The following ERCC6L2 variants were observed in gnomAD, a reference collection of about 807,000 sequenced individuals.
ERCC6L2 encodes the protein DNA excision repair protein ERCC-6-like 2.
ERCC6L2 carries 77 observed loss-of-function variants against 132.0 expected under a neutral mutation model. The ratio of observed to expected loss-of-function variants is 0.58; its 90% CI spans 0.49 to 0.71. The LOEUF (loss-of-function observed/expected upper bound fraction) is 0.71. ERCC6L2 is among the 30% of genes least tolerant of loss of function. The pLI, the probability that ERCC6L2 is intolerant of heterozygous loss-of-function variation, is 0.00. For synonymous variants in ERCC6L2, 583 were observed against 632.4 expected, an observed-to-expected ratio of 0.92 and a Z score of 1.17; for missense variants, 1,542 against 1,837.6, an observed-to-expected ratio of 0.84 and a Z score of 2.94.
At chr9:95,881,790 A>G (rs1239751774) in intron 2 of ERCC6L2, among the ~76,000 whole-genome samples, 1 of 152,234 alleles carries the variant, frequency 6.6e-6, no homozygotes, top group East Asian at 1.9e-4. Context: ...TAAAATGTGT[A>G]CTAGAATTTG....
chr9:95,928,694 GC>G (rs1170211530), intron 10 of ERCC6L2, 24 bp from the exon 11 acceptor site: 1 of 1,574,776 alleles, frequency 6.4e-7, no homozygotes, highest in Non-Finnish European at 8.6e-7. Context: ...ATTCATGTTT[GC>G]CCATCTTCAT....
At chr9:96,032,085 T>G (rs1433768922) in intron 19 of ERCC6L2, among the ~76,000 whole-genome samples, 2 of 151,982 alleles carry the variant, frequency 1.3e-5, no homozygotes, top group African/African-American at 4.8e-5. Context: ...CTTCCACATC[T>G]CCCTTCCTCA....
At chr9:95,992,282 G>T (rs985823138) in intron 17 of ERCC6L2, among the ~76,000 whole-genome samples, 3 of 152,138 alleles carry the variant, frequency 2.0e-5, no homozygotes, top group African/African-American at 7.2e-5. Flanking sequence ...TAAATTTTCA[G>T]TAGATATAAC....
intron 2 of ERCC6L2, 65 bp downstream of exon 2, chr9:95,881,358 A>C: frequency 7.9e-7 from 1 of 1,264,996 alleles, no homozygotes; most frequent in Non-Finnish European, 1.1e-6. Context: ...CTATATGTAA[A>C]TCTTTATTTG....
intron 12 of ERCC6L2, among the ~76,000 whole-genome samples, chr9:95,947,662 T>G (rs1831126268): frequency 6.6e-6 from 1 of 152,204 alleles, no homozygotes; most frequent in Admixed American, 6.5e-5. Flanking sequence ...CTTCAAAAGA[T>G]AGGCTGACTC....
downstream of ERCC6L2, chr9:96,020,340 G>C (rs1452756198): frequency 5.4e-6 from 1 of 185,340 alleles, no homozygotes; most frequent in African/African-American, 2.4e-5. Flanking sequence ...ATATCAGGGG[G>C]CCAGGCCTTC....
In ERCC6L2 at chr9:95,920,807, C is replaced by T. The variant is rs1048585485; in HGVS notation, c.1159-368C>T. Among the ~76,000 whole-genome samples, 13 of 152,122 alleles carry T rather than the reference C, an allele frequency of 8.5e-5. No homozygotes were observed. The South Asian group carries it at 1.5e-3, about 17-fold the overall frequency. On this transcript the variant is annotated intron_variant, in intron 6 of 18. Coordinates refer to ENST00000653738, the MANE Select transcript of ERCC6L2 (RefSeq NM_020207.7). ...CACTATTTTTTTTGAGACAGAGTCT[C>T]GCTCTGTCGCCCAGGCTGTAGTGCA...
At chr9:95,905,276 T>A (rs993395551) in intron 3 of ERCC6L2, 1 of 152,196 alleles carries the variant, frequency 6.6e-6, no homozygotes. Context: ...ATAACTCAGT[T>A]CTCTGACATC....
intron 9 of ERCC6L2, among the ~76,000 whole-genome samples, chr9:95,923,974 T>G (rs1177316331): frequency 6.6e-6 from 1 of 152,232 alleles, no homozygotes; most frequent in Non-Finnish European, 1.5e-5. Context: ...TTCTCCAACC[T>G]TGACCCAGGC....
At chr9:95,989,957 G>A (rs1267764123) in intron 17 of ERCC6L2, among the ~76,000 whole-genome samples, 3 of 152,246 alleles carry the variant, frequency 2.0e-5, no homozygotes, top group Admixed American at 6.5e-5. Flanking sequence ...ATGTGACAAT[G>A]TGTTTGGCAG....
chr9:96,007,505 C>G (rs1833899652), intron 18 of ERCC6L2, among the ~76,000 whole-genome samples: 1 of 152,118 alleles, frequency 6.6e-6, no homozygotes, highest in Non-Finnish European at 1.5e-5. Context: ...AACAGTTTAG[C>G]TGGATGGCAT....
chr9:96,019,717 C>T (rs755860500), downstream of ERCC6L2: 2 of 152,184 alleles, frequency 1.3e-5, no homozygotes, highest in Admixed American at 6.5e-5. Flanking sequence ...AAGAAATACC[C>T]GAGAAATACC....
intron 12 of ERCC6L2, among the ~76,000 whole-genome samples, chr9:95,949,960 T>C (rs1831252336): frequency 6.7e-6 from 1 of 149,702 alleles, no homozygotes; most frequent in African/African-American, 2.5e-5. Flanking sequence ...TGAGCCGAGA[T>C]GCCGAGATTG....
At chr9:95,900,715 G>A (rs1828730244) in intron 3 of ERCC6L2, among the ~76,000 whole-genome samples, 1 of 151,766 alleles carries the variant, frequency 6.6e-6, no homozygotes, top group African/African-American at 2.4e-5. Flanking sequence ...GTTTTAAAAT[G>A]TTGCTTATAT....
intron 13 of ERCC6L2, among the ~76,000 whole-genome samples, chr9:95,963,750 T>G (rs1230702033): frequency 6.6e-6 from 1 of 152,076 alleles, no homozygotes. Context: ...CTTGACAGCT[T>G]TAAAGAATAA....
chr9:95,896,108 G>A (rs1225747606), intron 2 of ERCC6L2, among the ~76,000 whole-genome samples: 1 of 151,936 alleles, frequency 6.6e-6, no homozygotes, highest in Non-Finnish European at 1.5e-5. Flanking sequence ...TACCATTTTT[G>A]TTGCTCTTTA....
chr9:95,908,174 A>C (rs12684321), intron 4 of ERCC6L2, among the ~76,000 whole-genome samples: 45,467 of 151,946 alleles, frequency 0.3, 7,085 homozygotes, highest in East Asian at 0.38. Context: ...CTCAACCCCC[A>C]TTCCACAATT....
At chr9:95,996,321 T>C (rs951950909) in intron 17 of ERCC6L2, among the ~76,000 whole-genome samples, 10 of 152,222 alleles carry the variant, frequency 6.6e-5, no homozygotes, top group African/African-American at 2.4e-4. Flanking sequence ...AAGAAAAAAT[T>C]TGAAGCTAAC....
At chr9:95,876,534 ATTTAG>A (rs1827279187) in intron 1 of ERCC6L2, 1 of 156,454 alleles carries the variant, frequency 6.4e-6, no homozygotes, top group African/African-American at 2.4e-5. Flanking sequence ...AGGTTGAGAT[ATTTAG>A]TTCAGTTGAG....
Sources: allele counts gnomAD v4.1 joint callset (sites outside exome capture counted in the v4.1 genomes callset), GRCh38; gene constraint gnomAD v4.1.1; transcripts MANE v1.5; gene names NCBI Gene and HGNC (gene_info 2026-07-23, HGNC 2026-07-21).